The following STX8 variants were observed in gnomAD, a reference collection of about 807,000 sequenced individuals.
The protein encoded by STX8 is syntaxin-8.
A neutral mutation model predicts 37.5 loss-of-function variants in STX8; 23 were observed. That is an observed-to-expected ratio of 0.61 (90% CI 0.44 to 0.87). STX8 has a LOEUF of 0.87. STX8 is among the 40% of genes least tolerant of loss of function. The pLI is 0.00. For missense variants in STX8, 313 were observed against 284.7 expected (o/e 1.10, Z -0.71); for synonymous variants, 115 against 99.1 (o/e 1.16, Z -0.95).
intron 7 of STX8, among the ~76,000 whole-genome samples, chr17:9,340,018 C>T (rs145504785): frequency 1.4e-4 from 21 of 152,180 alleles, no homozygotes; most frequent in African/African-American, 4.6e-4. Context: ...CTAAGGCTGA[C>T]GCAACCGCGG....
At chr17:9,537,663 A>T (rs1906112649) in intron 4 of STX8, among the ~76,000 whole-genome samples, 1 of 152,224 alleles carries the variant, frequency 6.6e-6, no homozygotes, top group Non-Finnish European at 1.5e-5. Flanking sequence ...GAAGATACAG[A>T]AAAGTGCATG....
At position 9,325,701 on chromosome 17, in the gene STX8, T is replaced by C. The variant is rs534345252; in HGVS notation, c.643+52851A>G. ...CTTTGGCAAATACTTCCCAGTAGAC[T>C]GGAAGTTTGCAGTGAACATGTGTTT... On this transcript the variant is annotated intron_variant, in intron 7 of 7. Coordinates refer to ENST00000306357, the MANE Select transcript of STX8 (RefSeq NM_004853.3). Among the ~76,000 whole-genome samples, 24 of 152,364 alleles carry C rather than the reference T, an allele frequency of 1.6e-4. No homozygotes were observed. In the South Asian group the frequency reaches 5.0e-3, roughly 32 times the overall value.
rs1911681538 is a variant in STX8 at position 9,378,554 on chromosome 17, C to T, written c.641G>A (p.Cys214Tyr). Reference sequence around the variant, plus strand: ...GCCATAACGTAGCTATCTCTTACCACAAGAGGCTGACTTTCTGTCCACCAT... The same window carrying T: ...GCCATAACGTAGCTATCTCTTACCATAAGAGGCTGACTTTCTGTCCACCAT... The part of the protein sequence containing the change: ...VNMVDRKSAS[C>Y]GMIMVILLLL... Residue 214 changes from cysteine to tyrosine, a missense_variant and splice_region_variant, in exon 7 of 8, where the codon TGT (cysteine) becomes TAT (tyrosine). Cys to Tyr is a radical substitution (Grantham distance 194). Transcript: ENST00000306357. 1.2e-6 allele frequency: 2 copies of T among 1,613,152 alleles called. No homozygotes were observed. The highest frequency in any genetic ancestry group is 1.7e-6 in the Non-Finnish European group (2 of 1,179,330).
At chr17:9,365,326 A>G (rs1157372888) in intron 7 of STX8, among the ~76,000 whole-genome samples, 1 of 152,264 alleles carries the variant, frequency 6.6e-6, no homozygotes, top group African/African-American at 2.4e-5. Context: ...CTAGTTTGCC[A>G]CTGGAGATAA....
chr17:9,274,832 C>G (rs1480580876), intron 7 of STX8, among the ~76,000 whole-genome samples: 7 of 131,594 alleles, frequency 5.3e-5, no homozygotes, highest in African/African-American at 1.9e-4. Context: ...CTCACTGCAA[C>G]CTCCACCTCC....
intron 6 of STX8, among the ~76,000 whole-genome samples, chr17:9,435,091 A>G (rs1339645540): frequency 6.6e-6 from 1 of 152,188 alleles, no homozygotes; most frequent in African/African-American, 2.4e-5. Flanking sequence ...CTCAGAAAAC[A>G]AGTCCTGCTG....
intron 7 of STX8, among the ~76,000 whole-genome samples, chr17:9,251,238 G>T (rs1042307933): frequency 6.6e-6 from 1 of 152,202 alleles, no homozygotes; most frequent in Non-Finnish European, 1.5e-5. Flanking sequence ...CCCATGCTGG[G>T]TGCCACTCTG....
chr17:9,255,184 G>A (rs1906741480), intron 7 of STX8, among the ~76,000 whole-genome samples: 1 of 152,088 alleles, frequency 6.6e-6, no homozygotes, highest in African/African-American at 2.4e-5. Context: ...CTGTGAATTA[G>A]ACAAACTGTG....
Position 9,545,252 on chromosome 17 carries a change from GT to G in STX8, c.242del (p.Asn81ThrfsTer7). On this transcript the variant is annotated frameshift_variant, in exon 4 of 8. Coordinates refer to ENST00000306357, the MANE Select transcript of STX8 (RefSeq NM_004853.3). LOFTEE classifies it high-confidence loss of function. ...ITQLEGDRRQ[N>X]LLDDLVTRER... ...CTCGAGTTACAAGATCATCCAAGAG[GT>G]TCTGTCTTCGGTCCCCTTCAAGCTG... is the stretch of plus-strand genomic sequence containing the variant. The G allele has an allele frequency of 6.2e-7, 1 of 1,614,080 alleles. No homozygotes were observed. The highest frequency in any genetic ancestry group is 8.5e-7 in the Non-Finnish European group (1 of 1,179,992).
chr17:9,470,547 G>C (rs1291059242), intron 6 of STX8, among the ~76,000 whole-genome samples: 1 of 152,288 alleles, frequency 6.6e-6, no homozygotes, highest in South Asian at 2.1e-4. Context: ...TGTCTTAAGC[G>C]GCTTTCACCT....
chr17:9,536,417 C>T (rs1214252226), intron 4 of STX8, among the ~76,000 whole-genome samples: 3 of 152,266 alleles, frequency 2.0e-5, no homozygotes, highest in Middle Eastern at 3.4e-3. Flanking sequence ...ACTTACTTCA[C>T]GGGATGTTTT....
chr17:9,345,310 C>T (rs565457319), intron 7 of STX8, among the ~76,000 whole-genome samples: 10 of 152,060 alleles, frequency 6.6e-5, no homozygotes, highest in Non-Finnish European at 1.0e-4. Context: ...CCACCACACC[C>T]GGCTAATTTT....
At chr17:9,251,623 C>T (rs1906580079) in intron 7 of STX8, among the ~76,000 whole-genome samples, 1 of 152,204 alleles carries the variant, frequency 6.6e-6, no homozygotes, top group South Asian at 2.1e-4. Flanking sequence ...CACATGGTTG[C>T]ACAGCCATCA....
At chr17:9,435,086 A>C (rs1225621776) in intron 6 of STX8, among the ~76,000 whole-genome samples, 1 of 152,226 alleles carries the variant, frequency 6.6e-6, no homozygotes, top group Non-Finnish European at 1.5e-5. Flanking sequence ...TGGTGCTCAG[A>C]AAACAAGTCC....
intron 3 of STX8, 23 bp downstream of exon 3, chr17:9,557,411 G>A (rs1246247659): frequency 1.9e-6 from 3 of 1,581,060 alleles, no homozygotes. Flanking sequence ...CTAGAAAAGA[G>A]GTGGAAATGT....
chr17:9,305,203 C>T (rs991567751), intron 7 of STX8, among the ~76,000 whole-genome samples: 19 of 152,070 alleles, frequency 1.2e-4, no homozygotes, highest in African/African-American at 3.9e-4. Context: ...AGCGATTCTC[C>T]TGCCTCAGCA....
intron 7 of STX8, among the ~76,000 whole-genome samples, chr17:9,269,823 C>A (rs1395717048): frequency 1.3e-5 from 2 of 152,210 alleles, no homozygotes; most frequent in African/African-American, 4.8e-5. Flanking sequence ...TGCTTTGGGG[C>A]CCTCTGCCAG....
At chr17:9,516,256 A>AT (rs1252855941) in intron 4 of STX8, among the ~76,000 whole-genome samples, 4 of 138,612 alleles carry the variant, frequency 2.9e-5, no homozygotes, top group Non-Finnish European at 6.1e-5. Context: ...ATGTAAAAAT[A>AT]TTTTTTTCAC....
intron 6 of STX8, among the ~76,000 whole-genome samples, chr17:9,402,122 A>ATTTAT (rs1555524187): frequency 2.0e-5 from 3 of 147,024 alleles, no homozygotes; most frequent in African/African-American, 7.7e-5. Flanking sequence ...TTATTTATTT[A>ATTTAT]TTATTATTTG....
Sources: allele counts gnomAD v4.1 joint callset (sites outside exome capture counted in the v4.1 genomes callset), GRCh38; gene constraint gnomAD v4.1.1; transcripts MANE v1.5; gene names NCBI Gene and HGNC (gene_info 2026-07-23, HGNC 2026-07-21).